The following HPSE2 variants were observed in gnomAD, a reference collection of about 807,000 sequenced individuals.
HPSE2 encodes the protein inactive heparanase-2.
A neutral mutation model predicts 60.5 loss-of-function variants in HPSE2; 38 were observed. That is an observed-to-expected ratio of 0.63 (90% CI 0.48 to 0.82). The LOEUF (loss-of-function observed/expected upper bound fraction) is 0.82. Among genes scored for constraint, HPSE2 ranks in the 40% least tolerant of loss-of-function variants. The pLI, the probability that HPSE2 is intolerant of heterozygous loss-of-function variation, is 0.00. For missense variants in HPSE2, 713 were observed against 740.4 expected, an observed-to-expected ratio of 0.96 and a Z score of 0.43; for synonymous variants, 295 against 293.2, an observed-to-expected ratio of 1.01 and a Z score of -0.06.
chr10:98,566,409 G>A (rs1944346358), intron 9 of HPSE2, among the ~76,000 whole-genome samples: 1 of 152,140 alleles, frequency 6.6e-6, no homozygotes, highest in Non-Finnish European at 1.5e-5. Context: ...TGAACAGGGG[G>A]ATTTTGGCCA....
intron 3 of HPSE2, among the ~76,000 whole-genome samples, chr10:99,017,047 C>T (rs1957159044): frequency 6.6e-6 from 1 of 152,006 alleles, no homozygotes; most frequent in Non-Finnish European, 1.5e-5. Context: ...TTGTCCTGGC[C>T]AGAACTTTCA....
At chr10:98,744,515 G>A (rs1054342919) in intron 3 of HPSE2, among the ~76,000 whole-genome samples, 3 of 151,496 alleles carry the variant, frequency 2.0e-5, no homozygotes, top group Non-Finnish European at 2.9e-5. Flanking sequence ...CAACAAGAGC[G>A]AAACTCCGTC....
At chr10:98,612,050 A>C (rs1318920664) in intron 9 of HPSE2, among the ~76,000 whole-genome samples, 2 of 152,234 alleles carry the variant, frequency 1.3e-5, no homozygotes, top group Non-Finnish European at 2.9e-5. Flanking sequence ...ACACATGGCC[A>C]TGCAAAGGTC....
chr10:99,125,554 G>A (rs930905912), intron 3 of HPSE2, among the ~76,000 whole-genome samples: 5 of 152,160 alleles, frequency 3.3e-5, no homozygotes, highest in Non-Finnish European at 1.5e-5. Flanking sequence ...CCATGGGAAC[G>A]TACTAGGAAA....
chr10:98,779,486 G>T (rs1005832254), intron 3 of HPSE2, among the ~76,000 whole-genome samples: 2 of 152,124 alleles, frequency 1.3e-5, no homozygotes, highest in African/African-American at 4.8e-5. Flanking sequence ...CCTTTATTCA[G>T]GGGATAGCTC....
chr10:98,567,039 T>A (rs1035481478), intron 9 of HPSE2, among the ~76,000 whole-genome samples: 6 of 152,216 alleles, frequency 3.9e-5, no homozygotes, highest in Non-Finnish European at 8.8e-5. Context: ...GATAAGGTAG[T>A]CTGCAGTGCA....
At chr10:98,690,737 C>G (rs917947946) in intron 6 of HPSE2, among the ~76,000 whole-genome samples, 1 of 151,078 alleles carries the variant, frequency 6.6e-6, no homozygotes, top group Non-Finnish European at 1.5e-5. Context: ...TATTATGATA[C>G]AAGCTACTCC....
chr10:98,969,993 G>A (rs1955910402), intron 3 of HPSE2, among the ~76,000 whole-genome samples: 2 of 149,972 alleles, frequency 1.3e-5, no homozygotes, highest in Admixed American at 1.3e-4. Flanking sequence ...ATGCACTTTT[G>A]CTCCTGTTGC....
intron 3 of HPSE2, among the ~76,000 whole-genome samples, chr10:99,100,386 G>T (rs1344419396): frequency 6.6e-6 from 1 of 152,134 alleles, no homozygotes; most frequent in Admixed American, 6.5e-5. Context: ...GGAAGAAAGG[G>T]TATCAGTGAC....
chr10:98,721,651 A>G lies in HPSE2; in HGVS notation c.956+6T>C. 6.2e-7 allele frequency: 1 copy of G among 1,612,900 alleles called. No individual in the cohort carries two copies. The highest frequency in any genetic ancestry group is 8.5e-7 in the Non-Finnish European group (1 of 1,179,428). ...GTCATAAGAAAAGCTAAATAATCTGACCTACCCATCTAGGAGGGCGATGAC... is the reference window on the plus strand; with the variant it reads ...GTCATAAGAAAAGCTAAATAATCTGGCCTACCCATCTAGGAGGGCGATGAC... On this transcript the variant is annotated splice_donor_region_variant and intron_variant, in intron 5 of 11. Coordinates refer to ENST00000370552, the MANE Select transcript of HPSE2 (RefSeq NM_021828.5).
intron 3 of HPSE2, among the ~76,000 whole-genome samples, chr10:98,937,522 C>G (rs1367565663): frequency 6.9e-6 from 1 of 144,314 alleles, no homozygotes; most frequent in Non-Finnish European, 1.5e-5. Flanking sequence ...AAGGCAGCAG[C>G]CAGGCTGGGG....
At chr10:99,305,769 C>T in the HPSE2 span, among the ~76,000 whole-genome samples, 2 of 151,714 alleles carry the variant, frequency 1.3e-5, no homozygotes, top group Non-Finnish European at 2.9e-5. Context: ...AAAAGACAGA[C>T]AGTAGAAATG....
chr10:98,741,376 G>T (rs1949492782), intron 4 of HPSE2, among the ~76,000 whole-genome samples: 1 of 152,064 alleles, frequency 6.6e-6, no homozygotes, highest in Non-Finnish European at 1.5e-5. Flanking sequence ...AATGATGTGT[G>T]GTTAAGGTGT....
intron 9 of HPSE2, among the ~76,000 whole-genome samples, chr10:98,539,771 C>A (rs1484218508): frequency 6.6e-6 from 1 of 152,166 alleles, no homozygotes; most frequent in Non-Finnish European, 1.5e-5. Flanking sequence ...ACCCCTCTGC[C>A]TCTTGCAGTT....
At chr10:98,656,662 T>C (rs521386) in intron 6 of HPSE2, among the ~76,000 whole-genome samples, 127,608 of 152,130 alleles carry the variant, frequency 0.84, 56,914 homozygotes, top group Non-Finnish European at 1. Flanking sequence ...TTCTTACTTA[T>C]AGACACTAGA....
chr10:99,184,440 G>A (rs747556404), intron 2 of HPSE2, among the ~76,000 whole-genome samples: 31 of 144,572 alleles, frequency 2.1e-4, no homozygotes, highest in Admixed American at 3.6e-4. Flanking sequence ...CAGTGGAATC[G>A]CTTGAACCCA....
At chr10:98,877,302 A>G (rs1367948448) in intron 3 of HPSE2, among the ~76,000 whole-genome samples, 2 of 151,866 alleles carry the variant, frequency 1.3e-5, no homozygotes, top group East Asian at 1.9e-4. Context: ...TTAAATTTCT[A>G]TTTTAATAAT....
At position 99,235,593 on chromosome 10, in the gene HPSE2, T is replaced by A. The variant is rs1356634445; in HGVS notation, c.210A>T (p.Pro70=). ...LILLDVSTKN[P]VRTVNENFLS... Reference sequence around the variant, plus strand: ...GGAAGTTCTCATTGACTGTCCTGACTGGGTTCTTGGTGCTCACATCAAGTA... The same window carrying A: ...GGAAGTTCTCATTGACTGTCCTGACAGGGTTCTTGGTGCTCACATCAAGTA... The change falls in exon 1 of 12, where the codon CCA becomes CCT. Residue 70 remains proline (P), a synonymous_variant. Coordinates refer to ENST00000370552, the MANE Select transcript of HPSE2 (RefSeq NM_021828.5). 2 of 1,614,132 alleles carry A rather than the reference T, an allele frequency of 1.2e-6. No homozygotes were observed. The highest frequency in any genetic ancestry group is 1.7e-6 in the Non-Finnish European group (2 of 1,180,012).
At chr10:99,141,959 C>T (rs1053074816) in intron 3 of HPSE2, among the ~76,000 whole-genome samples, 13 of 152,276 alleles carry the variant, frequency 8.5e-5, no homozygotes, top group African/African-American at 3.1e-4. Context: ...ACTATACACC[C>T]ATACACATAA....
Sources: gnomAD v4.1 joint callset for allele counts (sites outside exome capture counted in the v4.1 genomes callset) on GRCh38, gnomAD v4.1.1 for gene constraint, MANE v1.5 for transcripts, NCBI Gene and HGNC (gene_info 2026-07-23, HGNC 2026-07-21) for gene names.